The following FHIT variants were observed in gnomAD, a reference collection of about 807,000 sequenced individuals.
FHIT encodes bis(5'-adenosyl)-triphosphatase.
FHIT carries 19 observed loss-of-function variants against 17.9 expected under a neutral mutation model. That is an observed-to-expected ratio of 1.06 (90% CI 0.74 to 1.56). The LOEUF is 1.56. Ranked by LOEUF, FHIT falls within the 40% of genes most tolerant of loss-of-function variation. FHIT has a pLI of 0.00. For synonymous variants in FHIT, 81 were observed against 69.7 expected (o/e 1.16, Z -0.81); for missense variants, 248 against 189.2 (o/e 1.31, Z -1.82).
intron 8 of FHIT, among the ~76,000 whole-genome samples, chr3:59,774,184 G>A (rs1702200466): frequency 6.6e-6 from 1 of 152,118 alleles, no homozygotes; most frequent in Non-Finnish European, 1.5e-5. Context: ...ATCTGGCCAG[G>A]TGCCTGATTT....
chr3:61,027,870 T>G lies in FHIT; in HGVS notation c.-111+14177A>C, dbSNP rs1442695414. On this transcript the variant is annotated intron_variant, in intron 3 of 9. Transcript: ENST00000492590. ...ATATTTATAAATTACATGTTACATG[T>G]CCTTTATATCAGTAAAATTAATAAT... 3.3e-5 allele frequency among the ~76,000 whole-genome samples: 5 copies of G among 152,326 alleles called. No individual in the cohort carries two copies. In the East Asian group the frequency reaches 9.7e-4, roughly 29 times the overall value.
At chr3:61,061,887 A>G (rs1162110121) in intron 2 of FHIT, among the ~76,000 whole-genome samples, 1 of 152,164 alleles carries the variant, frequency 6.6e-6, no homozygotes, top group African/African-American at 2.4e-5. Context: ...TCCCTGAGGG[A>G]GCCTATATTA....
chr3:60,724,354 T>C (rs1275093697), intron 4 of FHIT, among the ~76,000 whole-genome samples: 4 of 152,208 alleles, frequency 2.6e-5, no homozygotes, highest in Admixed American at 2.6e-4. Context: ...TGCATGGATA[T>C]ACCACATTTC....
chr3:60,549,768 A>G (rs1057005828), intron 4 of FHIT, among the ~76,000 whole-genome samples: 2 of 152,242 alleles, frequency 1.3e-5, no homozygotes, highest in Non-Finnish European at 2.9e-5. Context: ...AGGAAGTCAG[A>G]CACAATGAAA....
intron 5 of FHIT, among the ~76,000 whole-genome samples, chr3:60,263,393 T>A (rs1269756587): frequency 6.6e-6 from 1 of 151,998 alleles, no homozygotes; most frequent in Non-Finnish European, 1.5e-5. Flanking sequence ...GACTCATCTA[T>A]GAAAAATTAT....
At chr3:59,802,655 C>T (rs2106988286) in intron 8 of FHIT, among the ~76,000 whole-genome samples, 1 of 152,226 alleles carries the variant, frequency 6.6e-6, no homozygotes. Context: ...TTGGACTCAG[C>T]CCGCCTGCAC....
chr3:60,441,524 G>A (rs1206094601), intron 5 of FHIT, among the ~76,000 whole-genome samples: 1 of 150,818 alleles, frequency 6.6e-6, no homozygotes, highest in Admixed American at 6.7e-5. Context: ...TTACCTTAGA[G>A]AATAGGCAAA....
intron 4 of FHIT, among the ~76,000 whole-genome samples, chr3:60,772,661 A>G (rs1700084492): frequency 6.6e-6 from 1 of 152,150 alleles, no homozygotes. Flanking sequence ...AACTGAGGGA[A>G]GGAGAGATGC....
At chr3:60,365,010 A>G (rs1396090531) in intron 5 of FHIT, among the ~76,000 whole-genome samples, 1 of 151,532 alleles carries the variant, frequency 6.6e-6, no homozygotes. Context: ...TACATGAAAC[A>G]ATTTCATATA....
At chr3:60,238,670 T>A (rs1181739790) in intron 5 of FHIT, among the ~76,000 whole-genome samples, 1 of 152,130 alleles carries the variant, frequency 6.6e-6, no homozygotes, top group Non-Finnish European at 1.5e-5. Flanking sequence ...CTTAGTGTAG[T>A]TGCACTCTTC....
At position 60,150,913 on chromosome 3, in the gene FHIT, C is replaced by T. The variant is rs147380671; in HGVS notation, c.104-136761G>A. Among the ~76,000 whole-genome samples the T allele has an allele frequency of 2.2e-3, 322 of 144,478 alleles. 1 individual carries two copies. The highest frequency in any genetic ancestry group is 8.0e-3 in the African/African-American group (301 of 37,602). 94.8% of individuals were successfully genotyped at this position (144,478 alleles called of 152,430 possible). A position where few individuals can be genotyped will look rare whatever the true frequency, so the allele number is the denominator to read the frequency against. On this transcript the variant is annotated intron_variant, in intron 5 of 9. Transcript: ENST00000492590. ...CAGCCTGGGTGACAGAGCTAGACTC[C>T]GCCTCAAAAAAAAAAAAAGGATTTA...
chr3:60,135,665 G>A (rs541944605), intron 5 of FHIT, among the ~76,000 whole-genome samples: 2 of 152,172 alleles, frequency 1.3e-5, no homozygotes, highest in South Asian at 2.1e-4. Context: ...TTCTCACCTC[G>A]GGCAGTGGCA....
intron 3 of FHIT, among the ~76,000 whole-genome samples, chr3:60,823,848 G>A (rs1444940206): frequency 1.3e-5 from 2 of 152,090 alleles, no homozygotes; most frequent in African/African-American, 4.8e-5. Context: ...GAGGTGCAGG[G>A]GACAACCATG....
intron 7 of FHIT, among the ~76,000 whole-genome samples, chr3:59,970,445 G>A (rs1708124217): frequency 6.6e-6 from 1 of 152,062 alleles, no homozygotes; most frequent in Non-Finnish European, 1.5e-5. Context: ...TAAGTGGTGG[G>A]AAGCAGCACC....
At chr3:60,212,627 T>A (rs929265915) in intron 5 of FHIT, among the ~76,000 whole-genome samples, 3 of 152,066 alleles carry the variant, frequency 2.0e-5, no homozygotes, top group African/African-American at 7.2e-5. Flanking sequence ...AAAATAACAA[T>A]CTAATGAATT....
intron 5 of FHIT, among the ~76,000 whole-genome samples, chr3:60,500,899 T>C (rs2034500332): frequency 6.6e-6 from 1 of 152,116 alleles, no homozygotes; most frequent in Non-Finnish European, 1.5e-5. Context: ...GATTGGCTTC[T>C]TTTTGGAAGA....
chr3:60,012,762 C>T (rs1230055667), intron 6 of FHIT, among the ~76,000 whole-genome samples: 2 of 152,154 alleles, frequency 1.3e-5, no homozygotes, highest in African/African-American at 4.8e-5. Flanking sequence ...AGTTTGACCA[C>T]ATTGCATATA....
chr3:61,246,658 A>G (rs533686074), intron 1 of FHIT, among the ~76,000 whole-genome samples: 160 of 152,076 alleles, frequency 1.1e-3, no homozygotes, highest in African/African-American at 3.7e-3. Context: ...GAACGCATGG[A>G]CACAGGGAGG....
intron 8 of FHIT, among the ~76,000 whole-genome samples, chr3:59,819,875 T>G (rs891229007): frequency 1.3e-5 from 2 of 152,146 alleles, no homozygotes; most frequent in African/African-American, 4.8e-5. Flanking sequence ...ATGGACTTAG[T>G]GCCTATATAA....
Sources: allele counts gnomAD v4.1 joint callset (sites outside exome capture counted in the v4.1 genomes callset), GRCh38; gene constraint gnomAD v4.1.1; transcripts MANE v1.5; gene names NCBI Gene and HGNC (gene_info 2026-07-23, HGNC 2026-07-21).